The following AMD1 variants were observed in gnomAD, a reference collection of about 807,000 sequenced individuals.
AMD1 encodes the protein S-adenosylmethionine decarboxylase proenzyme.
A neutral mutation model predicts 40.2 loss-of-function variants in AMD1; 11 were observed. That is an observed-to-expected ratio of 0.27 (90% confidence interval 0.17 to 0.45). AMD1 has a LOEUF of 0.45. Ranked by LOEUF, AMD1 falls within the 20% of genes least tolerant of loss-of-function variation. The pLI, the probability that AMD1 is intolerant of heterozygous loss-of-function variation, is 1.00. For missense variants in AMD1, 257 were observed against 410.2 expected (o/e 0.63, Z 3.23); for synonymous variants, 121 against 130.8 (o/e 0.93, Z 0.51).
In AMD1 at chr6:110,875,227, G is replaced by A. The variant is rs1263746203; in HGVS notation, c.110+12G>A. 1.9e-6 allele frequency: 3 copies of A among 1,591,344 alleles called. No homozygotes were observed. The African/African-American group carries it at 4.0e-5, about 21-fold the overall frequency. On this transcript the variant is annotated intron_variant, in intron 1 of 8. Coordinates refer to ENST00000368885, the MANE Select transcript of AMD1 (RefSeq NM_001634.6). ...CGCACTATCCCAAGGTGGGTCCCCG[G>A]GGCGCTCGCTGACATCCGGGCCTGG...
In AMD1 at chr6:110,887,486, C is replaced by CT; in HGVS notation, c.111-13dup. On this transcript the variant is annotated intron_variant, in intron 1 of 8. Coordinates refer to ENST00000368885, the MANE Select transcript of AMD1 (RefSeq NM_001634.6). ...GGGTACTATTGTGGATTAATCGTAA[C>CT]TTTTTTGTTAAATGATAGATCTGAG... 3 of 1,580,366 alleles carry CT rather than the reference C, an allele frequency of 1.9e-6. No homozygotes were observed. Among genetic ancestry groups the CT allele is most frequent in the East Asian group, 2.3e-5 (1 of 43,502 alleles).
the AMD1 span, among the ~76,000 whole-genome samples, chr6:110,860,553 C>T: frequency 0.02 from 3,011 of 152,078 alleles, 314 homozygotes; most frequent in East Asian, 0.34. Flanking sequence ...AATCCCTGCA[C>T]TTTGGGAGGC....
chr6:110,862,111 C>G, the AMD1 span, among the ~76,000 whole-genome samples: 1 of 150,680 alleles, frequency 6.6e-6, no homozygotes, highest in South Asian at 2.1e-4. Flanking sequence ...CCTCCACCTC[C>G]CAGGTTCAAG....
the AMD1 span, among the ~76,000 whole-genome samples, chr6:110,835,881 A>C: frequency 4.2e-4 from 60 of 143,292 alleles, no homozygotes; most frequent in Admixed American, 8.4e-4. Context: ...CCCACCCCCC[A>C]AAAAAAATCA....
At chr6:110,859,042 A>G in the AMD1 span, 2 of 1,231,782 alleles carry the variant, frequency 1.6e-6, no homozygotes, top group Non-Finnish European at 2.4e-6. Context: ...CATGACCCCA[A>G]GTTCTGCCCA....
chr6:110,840,005 TTC>T, the AMD1 span, among the ~76,000 whole-genome samples: 15,903 of 142,260 alleles, frequency 0.11, 1,079 homozygotes, highest in East Asian at 0.26. Context: ...GTTCTCAGGA[TTC>T]TCTCTCTTTT....
At chr6:110,818,907 T>C in the AMD1 span, among the ~76,000 whole-genome samples, 1 of 152,244 alleles carries the variant, frequency 6.6e-6, no homozygotes, top group African/African-American at 2.4e-5. Context: ...TTTTTTCTTT[T>C]CTCAATTCTG....
rs1023807892 is a variant in AMD1, at chr6:110,875,294, C to T, written c.110+79C>T. On this transcript the variant is annotated intron_variant, in intron 1 of 8. Transcript: ENST00000368885. ...CGAGGCACCAGCCACGGGTGGAGCC[C>T]GAGTTCCCTCAGCTTTCAGTTGGGG... 14 of 1,168,866 alleles carry T rather than the reference C, an allele frequency of 1.2e-5. No individual in the cohort carries two copies. The Admixed American group carries it at 2.8e-4, about 24-fold the overall frequency. 72.4% of individuals were successfully genotyped at this position (1,168,866 alleles called of 1,614,324 possible).
At chr6:110,854,229 G>A in the AMD1 span, among the ~76,000 whole-genome samples, 13 of 152,110 alleles carry the variant, frequency 8.5e-5, no homozygotes, top group African/African-American at 2.7e-4. Context: ...TTTAGCACTG[G>A]TGGTACCACA....
chr6:110,822,370 A>C, the AMD1 span, among the ~76,000 whole-genome samples: 2 of 152,186 alleles, frequency 1.3e-5, no homozygotes, highest in Non-Finnish European at 2.9e-5. Context: ...CAACACTCCT[A>C]GTTTGAATGA....
the AMD1 span, among the ~76,000 whole-genome samples, chr6:110,820,236 C>CTCTCT: frequency 7.6e-6 from 1 of 132,190 alleles, no homozygotes. Flanking sequence ...TTCTTTCTTT[C>CTCTCT]TTTCTTTTTT....
the AMD1 span, among the ~76,000 whole-genome samples, chr6:110,856,029 A>G: frequency 6.6e-6 from 1 of 152,182 alleles, no homozygotes; most frequent in Non-Finnish European, 1.5e-5. Context: ...GCACTGAGCC[A>G]TGCTTACACC....
In AMD1 at chr6:110,895,470, G is replaced by GTT. The variant is rs1786252864; in HGVS notation, c.*1857_*1858dup. The GTT allele has an allele frequency of 6.6e-6, 1 of 152,346 alleles. No homozygotes were observed. Among genetic ancestry groups the GTT allele is most frequent in the African/African-American group, 2.4e-5 (1 of 41,354 alleles). The allele number at this position is 152,346 out of a possible 1,614,324, so 9.4% of individuals were successfully genotyped here. On this transcript the variant is annotated 3_prime_UTR_variant, in exon 9 of 9. Transcript: ENST00000368885. ...TTTTGTTTTTGTTTTGTTTTGTTTT[G>GTT]TTTTGTTTCCAATAGAATTAAGAAT... is the stretch of plus-strand genomic sequence containing the variant.
the AMD1 span, among the ~76,000 whole-genome samples, chr6:110,847,636 C>G: frequency 6.6e-6 from 1 of 152,010 alleles, no homozygotes; most frequent in Non-Finnish European, 1.5e-5. Flanking sequence ...ATCTCCTTTA[C>G]TTAAAGTCAA....
chr6:110,838,043 A>G, the AMD1 span, among the ~76,000 whole-genome samples: 10 of 148,788 alleles, frequency 6.7e-5, no homozygotes, highest in Non-Finnish European at 7.4e-5. Context: ...AACCTGGGCA[A>G]CAAGAGTGAG....
chr6:110,875,445 G>T (rs1785044568), intron 1 of AMD1: 4 of 479,154 alleles, frequency 8.3e-6, no homozygotes, highest in Non-Finnish European at 1.5e-5. Flanking sequence ...GCATTGCCCT[G>T]GGGGAGGGGA....
upstream of AMD1, among the ~76,000 whole-genome samples, chr6:110,874,047 C>A (rs1784971148): frequency 6.6e-6 from 1 of 152,266 alleles, no homozygotes; most frequent in Non-Finnish European, 1.5e-5. Flanking sequence ...GGCTGCTGTG[C>A]TCAGCCAATT....
intron 1 of AMD1, among the ~76,000 whole-genome samples, chr6:110,880,581 A>T (rs938789249): frequency 2.6e-5 from 4 of 152,234 alleles, no homozygotes; most frequent in Non-Finnish European, 4.4e-5. Flanking sequence ...GCATGTGGAC[A>T]TCCATTTTTT....
chr6:110,835,817 A>G, the AMD1 span, among the ~76,000 whole-genome samples: 1 of 151,870 alleles, frequency 6.6e-6, no homozygotes, highest in Non-Finnish European at 1.5e-5. Context: ...GTGAGCCGAG[A>G]TCATCCCACT....
Sources: allele counts gnomAD v4.1 joint callset (sites outside exome capture counted in the v4.1 genomes callset), GRCh38; gene constraint gnomAD v4.1.1; transcripts MANE v1.5; gene names NCBI Gene and HGNC (gene_info 2026-07-23, HGNC 2026-07-21).